The following TMEM200A variants were observed in gnomAD, a reference collection of about 807,000 sequenced individuals.
The protein encoded by TMEM200A is two transmembrane C.
Under a neutral mutation model 24.3 loss-of-function variants are expected in TMEM200A, and 12 were observed. That is an observed-to-expected ratio of 0.49 (90% CI 0.32 to 0.80). The LOEUF (loss-of-function observed/expected upper bound fraction) is 0.80, where lower values mean the gene tolerates loss of function less well. TMEM200A is among the 30% of genes least tolerant of loss of function. The pLI, the probability that TMEM200A is intolerant of heterozygous loss-of-function variation, is 0.04. For missense variants in TMEM200A, 545 were observed against 614.4 expected, an observed-to-expected ratio of 0.89 and a Z score of 1.19; for synonymous variants, 224 against 224.4, an observed-to-expected ratio of 1.00 and a Z score of 0.02.
chr6:130,430,309 A>G (rs12202999), intron 2 of TMEM200A, among the ~76,000 whole-genome samples: 8,400 of 152,176 alleles, frequency 0.055, 265 homozygotes, highest in South Asian at 0.11. Context: ...AATCACCCCC[A>G]AAGGCTCCGT....
At chr6:130,417,017 T>G (rs748875127) in intron 2 of TMEM200A, among the ~76,000 whole-genome samples, 2 of 152,174 alleles carry the variant, frequency 1.3e-5, no homozygotes, top group Admixed American at 6.6e-5. Flanking sequence ...CCTTCCAGAC[T>G]AAGATTGCCC....
chr6:130,402,984 A>C (rs953190069), intron 2 of TMEM200A, among the ~76,000 whole-genome samples: 1 of 152,064 alleles, frequency 6.6e-6, no homozygotes, highest in African/African-American at 2.4e-5. Context: ...CAATTTCTGC[A>C]TCTTGCCTCC....
In TMEM200A at chr6:130,383,884, G is replaced by A. The variant is rs138915395; in HGVS notation, c.-80-1289G>A. On this transcript the variant is annotated intron_variant, in intron 1 of 2. Coordinates refer to ENST00000296978, the MANE Select transcript of TMEM200A (RefSeq NM_001258277.2). ...TGTAATCCCAGCACTTTGGGAGGCT[G>A]AGACGGGGGGGATCCCTTGAGGTCA... is the stretch of plus-strand genomic sequence containing the variant. 1.8e-3 allele frequency among the ~76,000 whole-genome samples: 276 copies of A among 152,272 alleles called. 2 individuals are homozygous for A. The highest frequency in any genetic ancestry group is 6.0e-3 in the African/African-American group (251 of 41,552).
At chr6:130,418,940 C>A (rs1411286867) in intron 2 of TMEM200A, among the ~76,000 whole-genome samples, 1 of 152,120 alleles carries the variant, frequency 6.6e-6, no homozygotes, top group South Asian at 2.1e-4. Flanking sequence ...TCTCTTCTAG[C>A]TATTTTGAAA....
At position 130,408,243 on chromosome 6, in the gene TMEM200A, C is replaced by T. The variant is rs533644279; in HGVS notation, c.-17+23007C>T. ...GTCTTGAAGGATGGATAGGAATTTA[C>T]CAGAAGGATCAGGAGGGAGCATTCT... On this transcript the variant is annotated intron_variant, in intron 2 of 2. Coordinates refer to ENST00000296978, the MANE Select transcript of TMEM200A (RefSeq NM_001258277.2). 2.0e-5 allele frequency among the ~76,000 whole-genome samples: 3 copies of T among 152,256 alleles called. No individual in the cohort carries two copies. The East Asian group carries it at 5.8e-4, about 29-fold the overall frequency.
intron 2 of TMEM200A, among the ~76,000 whole-genome samples, chr6:130,387,295 C>G (rs776581818): frequency 6.6e-6 from 1 of 152,056 alleles, no homozygotes; most frequent in Non-Finnish European, 1.5e-5. Flanking sequence ...TGTTTTTTGA[C>G]GGACTCTCGC....
At chr6:130,384,850 T>G (rs1778677681) in intron 1 of TMEM200A, among the ~76,000 whole-genome samples, 1 of 152,226 alleles carries the variant, frequency 6.6e-6, no homozygotes, top group African/African-American at 2.4e-5. Context: ...TCTTTTCATT[T>G]TCTTTAGAAG....
chr6:130,442,756 A>T lies in TMEM200A; in HGVS notation c.*858A>T, dbSNP rs1780227952. 4 of 167,002 alleles carry T rather than the reference A, an allele frequency of 2.4e-5. No individual in the cohort carries two copies. The highest frequency in any genetic ancestry group is 2.0e-4 in the Admixed American group (3 of 15,284). The allele number at this position is 167,002 out of a possible 1,614,324, so 10.3% of individuals were successfully genotyped here. ...CTAGTTAATGCTAACTAGTCTCAGT[A>T]CCTGTTTTTAGCCATCTGTTACTGT... is the stretch of plus-strand genomic sequence containing the variant. On this transcript the variant is annotated 3_prime_UTR_variant, in exon 3 of 3. Transcript: ENST00000296978.
In TMEM200A at chr6:130,408,920, C is replaced by T. The variant is rs565345047; in HGVS notation, c.-17+23684C>T. The stretch of plus-strand genomic sequence containing the variant: ...AGGTGCCACATCTGATCCACTGCAG[C>T]ATTCACACAGGACCACCACCCCCTC... On this transcript the variant is annotated intron_variant, in intron 2 of 2. Coordinates refer to ENST00000296978, the MANE Select transcript of TMEM200A (RefSeq NM_001258277.2). 2.6e-5 allele frequency among the ~76,000 whole-genome samples: 4 copies of T among 152,206 alleles called. No individual in the cohort carries two copies. The East Asian group carries it at 7.7e-4, about 29-fold the overall frequency.
chr6:130,406,378 A>G (rs1779211314), intron 2 of TMEM200A, among the ~76,000 whole-genome samples: 1 of 152,188 alleles, frequency 6.6e-6, no homozygotes, highest in Admixed American at 6.5e-5. Flanking sequence ...AATATCTTGG[A>G]TTTTATGTTG....
intron 2 of TMEM200A, among the ~76,000 whole-genome samples, chr6:130,401,101 AACC>A (rs1268157219): frequency 9.9e-5 from 15 of 151,980 alleles, no homozygotes; most frequent in Non-Finnish European, 1.6e-4. Context: ...GCTATGCATT[AACC>A]TTTTTTGTTT....
intron 2 of TMEM200A, among the ~76,000 whole-genome samples, chr6:130,410,761 G>A (rs769254611): frequency 6.6e-6 from 1 of 152,202 alleles, no homozygotes; most frequent in African/African-American, 2.4e-5. Context: ...TTAGGGGCAT[G>A]ACCTTCTTTA....
chr6:130,384,436 C>T (rs536792189), intron 1 of TMEM200A, among the ~76,000 whole-genome samples: 5 of 152,180 alleles, frequency 3.3e-5, no homozygotes, highest in African/African-American at 7.2e-5. Flanking sequence ...CTCAGCCTCC[C>T]GAGTAGGTGA....
chr6:130,414,431 C>CAA (rs11317905), intron 2 of TMEM200A, among the ~76,000 whole-genome samples: 32 of 57,750 alleles, frequency 5.5e-4, no homozygotes, highest in African/African-American at 7.0e-4. Context: ...GACTCCATCT[C>CAA]AAAAAAAAAA....
intron 2 of TMEM200A, among the ~76,000 whole-genome samples, chr6:130,398,597 A>G (rs1779007577): frequency 6.6e-6 from 1 of 152,096 alleles, no homozygotes; most frequent in South Asian, 2.1e-4. Context: ...TTACACTACC[A>G]CCAGTAGTGT....
chr6:130,426,334 C>G (rs951080135), intron 2 of TMEM200A, among the ~76,000 whole-genome samples: 4 of 151,954 alleles, frequency 2.6e-5, no homozygotes, highest in African/African-American at 7.2e-5. Flanking sequence ...TGAAACAGGA[C>G]AAACGGAGGG....
chr6:130,392,778 T>A (rs1414679645), intron 2 of TMEM200A, among the ~76,000 whole-genome samples: 1 of 152,218 alleles, frequency 6.6e-6, no homozygotes, highest in Non-Finnish European at 1.5e-5. Flanking sequence ...CTGCTATACT[T>A]TGTGCCTGTC....
At chr6:130,375,180 C>T (rs1191617490) in intron 1 of TMEM200A, among the ~76,000 whole-genome samples, 3 of 152,242 alleles carry the variant, frequency 2.0e-5, no homozygotes, top group East Asian at 1.9e-4. Context: ...AAATTATTTT[C>T]GTTCATTTGT....
intron 2 of TMEM200A, among the ~76,000 whole-genome samples, chr6:130,432,391 A>G (rs1392432973): frequency 6.6e-6 from 1 of 152,234 alleles, no homozygotes; most frequent in East Asian, 1.9e-4. Flanking sequence ...ATTTAAAAGA[A>G]AGGCGTGCTT....
Sources: allele counts gnomAD v4.1 joint callset (sites outside exome capture counted in the v4.1 genomes callset), GRCh38; gene constraint gnomAD v4.1.1; transcripts MANE v1.5; gene names NCBI Gene and HGNC (gene_info 2026-07-23, HGNC 2026-07-21).